CACNA2D3: variants seen among roughly 807,000 people sequenced by gnomAD.
CACNA2D3 encodes calcium voltage-gated channel auxiliary subunit alpha2delta 3, also known as voltage-dependent calcium channel subunit alpha-2/delta-3.
Under a neutral mutation model 160.6 loss-of-function variants are expected in CACNA2D3, and 60 were observed. The observed-to-expected ratio is 0.37, with a 90% CI of 0.30 to 0.46. The LOEUF is 0.46. Among genes scored for constraint, CACNA2D3 ranks in the 20% least tolerant of loss-of-function variants. The probability of loss-of-function intolerance (pLI) is 1.00; values close to 1 mark genes in which losing one functional copy is unlikely to be tolerated. For missense variants in CACNA2D3, 1,205 were observed against 1,365.0 expected (o/e 0.88, Z 1.85); for synonymous variants, 558 against 492.9 (o/e 1.13, Z -1.75).
intron 4 of CACNA2D3, among the ~76,000 whole-genome samples, chr3:54,500,921 C>G (rs930802631): frequency 6.6e-6 from 1 of 152,170 alleles, no homozygotes; most frequent in African/African-American, 2.4e-5. Flanking sequence ...TTTATTTTCT[C>G]ACAGTTCTGG....
chr3:54,681,510 C>T (rs1378177269), intron 11 of CACNA2D3, among the ~76,000 whole-genome samples: 3 of 144,790 alleles, frequency 2.1e-5, no homozygotes, highest in Middle Eastern at 3.7e-3. Flanking sequence ...GGGCCAAGAT[C>T]GCATTCACTG....
chr3:55,005,727 G>A (rs1355726072), intron 32 of CACNA2D3, among the ~76,000 whole-genome samples: 6 of 152,056 alleles, frequency 3.9e-5, no homozygotes, highest in South Asian at 4.1e-4. Context: ...TTTACAATGC[G>A]TAGACAATGT....
intron 2 of CACNA2D3, among the ~76,000 whole-genome samples, chr3:54,216,796 T>G (rs1197693163): frequency 6.6e-6 from 1 of 152,124 alleles, no homozygotes; most frequent in Admixed American, 6.5e-5. Context: ...ACCATCCTAG[T>G]AAGGAGAAAT....
At chr3:54,661,952 G>T (rs559350341) in intron 11 of CACNA2D3, among the ~76,000 whole-genome samples, 37 of 151,444 alleles carry the variant, frequency 2.4e-4, no homozygotes, top group Admixed American at 7.2e-4. Context: ...TTCTTTTCCT[G>T]CTACAGGCTT....
At chr3:54,763,696 T>C (rs377233229) in intron 12 of CACNA2D3, among the ~76,000 whole-genome samples, 8 of 134,454 alleles carry the variant, frequency 5.9e-5, no homozygotes, top group Admixed American at 3.0e-4. Flanking sequence ...TGTGTATATA[T>C]GTATATATGT....
chr3:54,234,002 A>G (rs1240359941), intron 2 of CACNA2D3, among the ~76,000 whole-genome samples: 1 of 152,218 alleles, frequency 6.6e-6, no homozygotes, highest in African/African-American at 2.4e-5. Flanking sequence ...AAAAGCAAAA[A>G]TTGAGAAGTA....
intron 3 of CACNA2D3, among the ~76,000 whole-genome samples, chr3:54,321,977 T>C (rs567177844): frequency 5.4e-5 from 8 of 147,204 alleles, no homozygotes; most frequent in African/African-American, 1.8e-4. Flanking sequence ...GAGGGGGACA[T>C]ATTATTTTAG....
chr3:55,028,921 C>A (rs535286401), intron 35 of CACNA2D3, among the ~76,000 whole-genome samples: 1 of 152,190 alleles, frequency 6.6e-6, no homozygotes, highest in Non-Finnish European at 1.5e-5. Context: ...CTTCTCCCCA[C>A]GCACCTTTCA....
At chr3:54,254,283 T>C (rs1387059652) in intron 2 of CACNA2D3, among the ~76,000 whole-genome samples, 1 of 152,194 alleles carries the variant, frequency 6.6e-6, no homozygotes, top group Non-Finnish European at 1.5e-5. Flanking sequence ...GATAGGGTAC[T>C]GAAGATAGAG....
chr3:54,997,535 A>T (rs895484122), intron 31 of CACNA2D3, among the ~76,000 whole-genome samples: 1 of 151,452 alleles, frequency 6.6e-6, no homozygotes, highest in Non-Finnish European at 1.5e-5. Flanking sequence ...AGCACGTGAA[A>T]CCTCATCTCT....
chr3:54,821,634 G>GTCTTTCTTTCTTTCTT (rs1268858260), intron 14 of CACNA2D3, among the ~76,000 whole-genome samples: 1 of 140,396 alleles, frequency 7.1e-6, no homozygotes, highest in Non-Finnish European at 1.6e-5. Flanking sequence ...TTTTTCTAGA[G>GTCTTTCTTTCTTTCTT]TCTTTCGTTC....
rs182565452 is a variant in CACNA2D3, at chr3:54,659,546, A to G, written c.1167+17305A>G. On this transcript the variant is annotated intron_variant, in intron 11 of 37. Coordinates refer to ENST00000474759, the MANE Select transcript of CACNA2D3 (RefSeq NM_018398.3). ...AGACAGAGATCATATAAGTCTGCCT[A>G]CGGCTTCCCTGTTGAGCTTCCTTGG... Among the ~76,000 whole-genome samples the G allele has an allele frequency of 1.9e-3, 295 of 152,244 alleles. 2 individuals are homozygous for G. The highest frequency in any genetic ancestry group is 5.3e-3 in the Admixed American group (81 of 15,304).
At chr3:54,619,332 C>T (rs868049039) in intron 9 of CACNA2D3, among the ~76,000 whole-genome samples, 12 of 152,202 alleles carry the variant, frequency 7.9e-5, no homozygotes, top group Non-Finnish European at 1.5e-4. Flanking sequence ...GGTGGAGGGG[C>T]TGTTCCACTT....
At chr3:54,286,359 T>C (rs1030941872) in intron 2 of CACNA2D3, among the ~76,000 whole-genome samples, 47 of 151,686 alleles carry the variant, frequency 3.1e-4, no homozygotes, top group African/African-American at 9.7e-4. Flanking sequence ...TGAAATGAAG[T>C]GAGAAGGGAA....
chr3:54,270,139 TCTC>T (rs1171493102), intron 2 of CACNA2D3, among the ~76,000 whole-genome samples: 1 of 152,208 alleles, frequency 6.6e-6, no homozygotes, highest in African/African-American at 2.4e-5. Context: ...TGTTCAGCAT[TCTC>T]CTCAATTGTT....
intron 21 of CACNA2D3, among the ~76,000 whole-genome samples, chr3:54,882,648 A>G (rs1325131527): frequency 3.3e-5 from 5 of 152,210 alleles, no homozygotes; most frequent in Non-Finnish European, 7.3e-5. Context: ...AAATAAAAAG[A>G]CTGACAATCC....
At chr3:54,788,262 G>C (rs1176891477) in intron 13 of CACNA2D3, among the ~76,000 whole-genome samples, 2 of 152,112 alleles carry the variant, frequency 1.3e-5, no homozygotes, top group Admixed American at 6.5e-5. Context: ...CTTAAGGAAG[G>C]CTGTTCCTCA....
chr3:54,504,087 G>T (rs553737765), intron 5 of CACNA2D3, among the ~76,000 whole-genome samples: 13 of 152,322 alleles, frequency 8.5e-5, no homozygotes, highest in African/African-American at 3.1e-4. Flanking sequence ...GACCCCTGAT[G>T]TGGTACCTTT....
chr3:54,163,978 TAAGCA>T (rs1700399702), intron 2 of CACNA2D3, among the ~76,000 whole-genome samples: 3 of 152,180 alleles, frequency 2.0e-5, no homozygotes, highest in African/African-American at 7.2e-5. Context: ...GCCCACGGGC[TAAGCA>T]GCCCACTGCA....
Sources: allele counts gnomAD v4.1 joint callset (sites outside exome capture counted in the v4.1 genomes callset), GRCh38; gene constraint gnomAD v4.1.1; transcripts MANE v1.5; gene names NCBI Gene and HGNC (gene_info 2026-07-23, HGNC 2026-07-21).